The following TLK2 variants were observed in gnomAD, a reference collection of about 807,000 sequenced individuals.
TLK2 encodes serine/threonine-protein kinase tousled-like 2.
Under a neutral mutation model 117.3 loss-of-function variants are expected in TLK2, and 6 were observed. The observed-to-expected ratio is 0.05, with a 90% CI of 0.03 to 0.10. The LOEUF is 0.10. TLK2 is among the 10% of genes least tolerant of loss of function. The pLI is 1.00. For missense variants in TLK2, 299 were observed against 901.2 expected, an observed-to-expected ratio of 0.33 and a Z score of 8.56; for synonymous variants, 257 against 316.7, an observed-to-expected ratio of 0.81 and a Z score of 2.00.
intron 12 of TLK2, chr17:62,574,350 C>A: frequency 6.5e-7 from 1 of 1,547,802 alleles, no homozygotes; most frequent in Non-Finnish European, 8.7e-7. Context: ...GCTAGGCCCT[C>A]TTCTGGGAAT....
chr17:62,473,047 ATTCCCTTGG>A (rs1429842016), intron 1 of TLK2, among the ~76,000 whole-genome samples: 3 of 152,184 alleles, frequency 2.0e-5, no homozygotes, highest in Non-Finnish European at 2.9e-5. Flanking sequence ...CTCTCATTTT[ATTCCCTTGG>A]TTCCAGGTCT....
Position 62,576,624 on chromosome 17 carries a change from CTT to C in TLK2, c.1122-84_1122-83del, listed in dbSNP as rs1260064428. ...TAACTGAGACTGAAACTGAATATGT[CTT>C]ATAGTATATTTGAGCATTTCTCTTT... On this transcript the variant is annotated intron_variant, in intron 12 of 21. Transcript: ENST00000346027. 8.8e-6 allele frequency: 9 copies of C among 1,019,242 alleles called. No individual in the cohort carries two copies. In the African/African-American group the frequency reaches 1.4e-4, roughly 16 times the overall value. The allele number at this position is 1,019,242 out of a possible 1,614,324, so 63.1% of individuals were successfully genotyped here. A position where few individuals can be genotyped will look rare whatever the true frequency, so the allele number is the denominator to read the frequency against.
intron 16 of TLK2, among the ~76,000 whole-genome samples, chr17:62,588,576 A>G (rs1383757706): frequency 6.6e-6 from 1 of 152,046 alleles, no homozygotes; most frequent in African/African-American, 2.4e-5. Flanking sequence ...GGCATTTCCT[A>G]TTTGGCAGAC....
chr17:62,510,721 C>A (rs1234637981), intron 2 of TLK2, among the ~76,000 whole-genome samples: 1 of 152,116 alleles, frequency 6.6e-6, no homozygotes, highest in East Asian at 1.9e-4. Context: ...TTGTCCTGAT[C>A]TCCTCTCATA....
At chr17:62,479,806 C>T (rs1434490285) in intron 1 of TLK2, among the ~76,000 whole-genome samples, 1 of 152,308 alleles carries the variant, frequency 6.6e-6, no homozygotes, top group East Asian at 1.9e-4. Context: ...TTTTCCGGGC[C>T]GGGCCTGGGG....
At chr17:62,534,250 A>G (rs757427876) in intron 6 of TLK2, among the ~76,000 whole-genome samples, 1 of 152,244 alleles carries the variant, frequency 6.6e-6, no homozygotes, top group Non-Finnish European at 1.5e-5. Flanking sequence ...GATGACCACT[A>G]TACCACCATA....
chr17:62,559,786 C>T (rs2079123989), intron 9 of TLK2, among the ~76,000 whole-genome samples: 1 of 151,998 alleles, frequency 6.6e-6, no homozygotes, highest in Non-Finnish European at 1.5e-5. Context: ...GAAAAACATG[C>T]CCAAATTAGT....
chr17:62,495,719 C>T lies in TLK2; in HGVS notation c.81+14513C>T, dbSNP rs1383956451. Among the ~76,000 whole-genome samples, 3 of 150,610 alleles carry T rather than the reference C, an allele frequency of 2.0e-5. 1 individual carries two copies. The highest frequency in any genetic ancestry group is 1.3e-4 in the Admixed American group (2 of 15,058). On this transcript the variant is annotated intron_variant, in intron 2 of 21. Coordinates refer to ENST00000346027, the MANE Select transcript of TLK2 (RefSeq NM_006852.6). ...TGTCACCCAGGCTGGAGGGCAATGT[C>T]ATGATCTCGGCTCACTGCAACCTCT...
chr17:62,596,282 G>A (rs1054879055), intron 16 of TLK2, among the ~76,000 whole-genome samples: 3 of 152,066 alleles, frequency 2.0e-5, no homozygotes, highest in Non-Finnish European at 2.9e-5. Flanking sequence ...CACCATGTTG[G>A]CCAGGATGGT....
chr17:62,516,264 CTTTTTTTTTTT>C (rs34931247), intron 2 of TLK2: 5 of 710,076 alleles, frequency 7.0e-6, no homozygotes, highest in Non-Finnish European at 1.2e-5. Context: ...AGTTTTAGTT[CTTTTTTTTTTT>C]TTTTTGGCTG....
chr17:62,607,773 T>C (rs978693408), intron 20 of TLK2, among the ~76,000 whole-genome samples: 29 of 152,172 alleles, frequency 1.9e-4, no homozygotes, highest in Admixed American at 1.8e-3. Flanking sequence ...GAGCAAAGCT[T>C]AGCAGAGCAT....
At chr17:62,485,948 G>A (rs970744451) in intron 2 of TLK2, among the ~76,000 whole-genome samples, 1 of 149,468 alleles carries the variant, frequency 6.7e-6, no homozygotes, top group African/African-American at 2.5e-5. Flanking sequence ...AGCCTCCCGA[G>A]TAGCTGGGAC....
chr17:62,601,591 A>G (rs2082881556), intron 18 of TLK2, among the ~76,000 whole-genome samples: 1 of 152,244 alleles, frequency 6.6e-6, no homozygotes, highest in African/African-American at 2.4e-5. Flanking sequence ...AACTGAATTC[A>G]ACACTTTCCT....
At chr17:62,522,343 C>G in intron 4 of TLK2, 70 bp downstream of exon 4, 1 of 1,487,970 alleles carries the variant, frequency 6.7e-7, no homozygotes, top group Non-Finnish European at 9.1e-7. Flanking sequence ...CTAACTCATA[C>G]TAAATAATTA....
intron 7 of TLK2, among the ~76,000 whole-genome samples, chr17:62,545,107 A>C (rs1426987663): frequency 6.6e-6 from 1 of 151,854 alleles, no homozygotes; most frequent in African/African-American, 2.4e-5. Flanking sequence ...GCTCACTGCA[A>C]CCTCCGCCTC....
chr17:62,604,869 A>C (rs919211419), intron 19 of TLK2, among the ~76,000 whole-genome samples: 3 of 144,978 alleles, frequency 2.1e-5, no homozygotes, highest in African/African-American at 7.7e-5. Flanking sequence ...ACTCTGTCTC[A>C]AAAAAAAAAA....
intron 19 of TLK2, 42 bp downstream of exon 19, chr17:62,602,222 G>A: frequency 1.3e-6 from 2 of 1,597,578 alleles, no homozygotes; most frequent in Non-Finnish European, 1.7e-6. Flanking sequence ...ATAGAGATGT[G>A]GCTCTGCTAT....
chr17:62,476,026 G>T (rs2071035513), upstream of TLK2, among the ~76,000 whole-genome samples: 1 of 151,688 alleles, frequency 6.6e-6, no homozygotes, highest in African/African-American at 2.4e-5. Flanking sequence ...CACCCAGAAT[G>T]GAGTGCAGTG....
At chr17:62,509,873 A>T (rs1380360159) in intron 2 of TLK2, among the ~76,000 whole-genome samples, 1 of 152,206 alleles carries the variant, frequency 6.6e-6, no homozygotes, top group Non-Finnish European at 1.5e-5. Context: ...TGTTGAAGGC[A>T]CCATCTTGGA....
Sources: gnomAD v4.1 joint callset for allele counts (sites outside exome capture counted in the v4.1 genomes callset) on GRCh38, gnomAD v4.1.1 for gene constraint, MANE v1.5 for transcripts, NCBI Gene and HGNC (gene_info 2026-07-23, HGNC 2026-07-21) for gene names.